The following POLD1 variants were observed in gnomAD, a reference collection of about 807,000 sequenced individuals.
The protein encoded by POLD1 is DNA polymerase delta 1, catalytic subunit, also known as DNA polymerase delta catalytic subunit.
In POLD1, 79 loss-of-function variants were observed where a neutral mutation model predicts 129.7. That is an observed-to-expected ratio of 0.61 (90% CI 0.51 to 0.73). The LOEUF is 0.73. POLD1 is among the 30% of genes least tolerant of loss of function. The pLI, the probability that POLD1 is intolerant of heterozygous loss-of-function variation, is 0.00. For missense variants in POLD1, 1,338 were observed against 1,595.8 expected (o/e 0.84, Z 2.75); for synonymous variants, 714 against 683.3 (o/e 1.04, Z -0.70).
At chr19:50,405,618 AC>A (rs2038847219) in intron 10 of POLD1, among the ~76,000 whole-genome samples, 2 of 151,746 alleles carry the variant, frequency 1.3e-5, no homozygotes, top group African/African-American at 4.8e-5. Flanking sequence ...AACTCTTAGG[AC>A]CCCCAGTGTA....
intron 1 of POLD1, among the ~76,000 whole-genome samples, chr19:50,386,570 G>A (rs796099728): frequency 5.3e-5 from 8 of 152,216 alleles, no homozygotes; most frequent in African/African-American, 1.2e-4. Context: ...GTGCAATAAC[G>A]AAAGTGGCAC....
intron 3 of POLD1, 56 bp downstream of exon 3, chr19:50,399,540 C>G: frequency 1.5e-6 from 2 of 1,341,876 alleles, no homozygotes; most frequent in Non-Finnish European, 2.1e-6. Flanking sequence ...GGGCAGAGGC[C>G]GGGCCAGGTC....
chr19:50,410,606 GAA>G (rs1251861282), intron 17 of POLD1, among the ~76,000 whole-genome samples: 1 of 150,818 alleles, frequency 6.6e-6, no homozygotes, highest in Admixed American at 6.6e-5. Flanking sequence ...CTCAGCAAAA[GAA>G]AGAGGTGCAC....
intron 8 of POLD1, 125 bp from the exon 9 acceptor site, chr19:50,402,928 C>A: frequency 7.4e-7 from 1 of 1,354,914 alleles, no homozygotes; most frequent in Non-Finnish European, 1.0e-6. Flanking sequence ...AGAGCAGGAG[C>A]CAGGGTGAGC....
rs768082423 is a variant in POLD1 at position 50,401,773 on chromosome 19, C to T, written c.317-5C>T. The T allele has an allele frequency of 3.1e-6, 5 of 1,611,578 alleles. No individual in the cohort carries two copies. Among genetic ancestry groups the T allele is most frequent in the Non-Finnish European group, 4.2e-6 (5 of 1,179,804 alleles). On this transcript the variant is annotated splice_polypyrimidine_tract_variant and splice_region_variant and intron_variant, in intron 3 of 26. Coordinates refer to ENST00000440232, the MANE Select transcript of POLD1 (RefSeq NM_002691.4). ...TGGCCGCTGTCTTACCCTGTGACCC[C>T]ACAGGCCCAGCGCAGCCTGTGCCTG...
rs374537225 is a variant in POLD1, at chr19:50,402,599, C to A, written c.841-13C>A. 1 of 1,571,326 alleles carries A rather than the reference C, an allele frequency of 6.4e-7. No homozygotes were observed. On this transcript the variant is annotated splice_polypyrimidine_tract_variant and intron_variant, in intron 7 of 26. Coordinates refer to ENST00000440232, the MANE Select transcript of POLD1 (RefSeq NM_002691.4). ...GTACCCTGCTGCCACCGCTGACCCA[C>A]CCATGCCCACAGGCTACGCAGTGCC...
At chr19:50,405,740 T>A (rs140692477) in intron 10 of POLD1, among the ~76,000 whole-genome samples, 2,415 of 152,062 alleles carry the variant, frequency 0.016, 61 homozygotes, top group African/African-American at 0.053. Context: ...GGCCTCAGTC[T>A]CCCCCAGGCT....
At chr19:50,394,771 T>C (rs1046509958) in intron 1 of POLD1, among the ~76,000 whole-genome samples, 2 of 152,134 alleles carry the variant, frequency 1.3e-5, no homozygotes, top group Non-Finnish European at 2.9e-5. Flanking sequence ...GCATCTAGGA[T>C]CTGCCCTAGG....
chr19:50,398,464 CG>C (rs1185914498), intron 1 of POLD1, among the ~76,000 whole-genome samples: 2 of 139,492 alleles, frequency 1.4e-5, no homozygotes, highest in African/African-American at 2.7e-5. Flanking sequence ...CCCAGCTACT[CG>C]GGAGGCTGAG....
chr19:50,403,748 T>C lies in POLD1; in HGVS notation c.1242+151T>C, dbSNP rs3219384. On this transcript the variant is annotated intron_variant, in intron 10 of 26. Coordinates refer to ENST00000440232, the MANE Select transcript of POLD1 (RefSeq NM_002691.4). ...GCCTGCAGGGGCAGCCTAGGCCTGGTCCTGCCCTGCTCCAAGTCGAAAAAG... is the reference window on the plus strand; with the variant it reads ...GCCTGCAGGGGCAGCCTAGGCCTGGCCCTGCCCTGCTCCAAGTCGAAAAAG... 0.031 allele frequency: 19,799 copies of C among 638,942 alleles called. 2,186 individuals carry two copies. Among genetic ancestry groups the C allele is most frequent in the African/African-American group, 0.27 (14,642 of 54,464 alleles). 39.6% of individuals were successfully genotyped at this position (638,942 alleles called of 1,614,324 possible).
chr19:50,385,824 C>T (rs753865019), intron 1 of POLD1, among the ~76,000 whole-genome samples: 103 of 152,160 alleles, frequency 6.8e-4, no homozygotes, highest in Non-Finnish European at 1.3e-3. Flanking sequence ...CCACCACGCA[C>T]GGCCGCTTCT....
chr19:50,414,747 TG>T, intron 19 of POLD1, 67 bp from the exon 20 acceptor site: 4 of 1,307,932 alleles, frequency 3.1e-6, no homozygotes, highest in Non-Finnish European at 3.1e-6. Context: ...CTTCAGTTTC[TG>T]GGGGGCGTCT....
Position 50,403,518 on chromosome 19 carries a change from T to C in POLD1, c.1163T>C (p.Met388Thr), listed in dbSNP as rs2038747019. ...LQAWSTFIRI[M>T]DPDVITGYNI... ...GCCTGGTCCACCTTCATCCGTATCA[T>C]GGACCCCGACGTGATCACCGGTTAC... The change falls in exon 10 of 27, where the codon ATG becomes ACG. Residue 388 changes from methionine (M) to threonine (T), a missense_variant. Around this residue, in one of 3 missense-constraint regions of POLD1, gnomAD observed 720 missense variants for 1,002.6 expected, o/e 0.72. Transcript: ENST00000440232. 1 of 1,614,046 alleles carries C rather than the reference T, an allele frequency of 6.2e-7. No individual in the cohort carries two copies. Among genetic ancestry groups the C allele is most frequent in the South Asian group, 1.1e-5 (1 of 91,078 alleles).
rs1023405690 is a variant in POLD1, at chr19:50,402,276, G to T, written c.661G>T (p.Ala221Ser). The T allele has an allele frequency of 3.7e-6, 6 of 1,606,744 alleles. No homozygotes were observed. The highest frequency in any genetic ancestry group is 1.7e-5 in the Admixed American group (1 of 59,384). Residue 221 changes from alanine to serine, a missense_variant, in exon 6 of 27, where the codon GCC becomes TCC. Physicochemically the swap from Ala to Ser is moderately conservative, Grantham distance 99 (BLOSUM62 1). This residue lies in a region of POLD1 where 332 missense variants were observed against 315.7 expected (regional missense o/e 1.05). Coordinates refer to ENST00000440232, the MANE Select transcript of POLD1 (RefSeq NM_002691.4). ...CACCGTGGCGCTGCCGCGCCTCGTG[G>T]CCCCGGCCCGCCGTCTCCTGGAACA... ...RITVALPRLVAPARRLLEQGI... is the reference protein window; with the variant it reads ...RITVALPRLVSPARRLLEQGI...
rs1469598088 is a variant in POLD1 at position 50,417,285 on chromosome 19, C to T, written c.3218+16C>T. 19 of 1,543,336 alleles carry T rather than the reference C, an allele frequency of 1.2e-5. No homozygotes were observed. Among genetic ancestry groups the T allele is most frequent in the East Asian group, 2.3e-5 (1 of 42,618 alleles). ...TCTGCACCAGGTGTGTGCCATGTCC[C>T]GACCCTGGGCTGCCCCGCCCCTTCC... On this transcript the variant is annotated intron_variant, in intron 26 of 26. Transcript: ENST00000440232.
chr19:50,416,736 G>C lies in POLD1; in HGVS notation c.3067+13G>C, dbSNP rs2122498994. The C allele has an allele frequency of 6.6e-7, 1 of 1,510,008 alleles. No homozygotes were observed. The highest frequency in any genetic ancestry group is 1.2e-5 in the South Asian group (1 of 83,278). 93.5% of individuals were successfully genotyped at this position (1,510,008 alleles called of 1,614,324 possible). A position where few individuals can be genotyped will look rare whatever the true frequency, so the allele number is the denominator to read the frequency against. On this transcript the variant is annotated intron_variant, in intron 24 of 26. Transcript: ENST00000440232. ...CTCAGCCACCAGGGTGAGCGGCCCT[G>C]GCCACTGGGCCCCCACTGGCCCTCA...
rs71182717 is a variant in POLD1 at position 50,404,574 on chromosome 19, C to CTTTT, written c.1242+996_1242+999dup. ...ACTGCACCCAACCCCTTTTCTCTTT[C>CTTTT]TTTTTTTTTTTTTTTTTTTTTTGAG... is the stretch of plus-strand genomic sequence containing the variant. On this transcript the variant is annotated intron_variant, in intron 10 of 26. Transcript: ENST00000440232. Among the ~76,000 whole-genome samples the CTTTT allele has an allele frequency of 5.5e-3, 429 of 77,854 alleles. 4 individuals are homozygous for CTTTT. The highest frequency in any genetic ancestry group is 6.5e-3 in the East Asian group (19 of 2,936). 51.1% of individuals were successfully genotyped at this position (77,854 alleles called of 152,430 possible).
chr19:50,413,882 G>T lies in POLD1; in HGVS notation c.2388+3G>T. ...CCATCCGGCTGGAGTTTGAGAAGGTGCGTGGCTGGGTCAGGGGCTCTGCAT... is the reference window on the plus strand; with the variant it reads ...CCATCCGGCTGGAGTTTGAGAAGGTTCGTGGCTGGGTCAGGGGCTCTGCAT... On this transcript the variant is annotated splice_donor_region_variant and intron_variant, in intron 19 of 26. Coordinates refer to ENST00000440232, the MANE Select transcript of POLD1 (RefSeq NM_002691.4). 1 of 1,594,664 alleles carries T rather than the reference G, an allele frequency of 6.3e-7. No individual in the cohort carries two copies. Among genetic ancestry groups the T allele is most frequent in the Non-Finnish European group, 8.5e-7 (1 of 1,169,770 alleles).
chr19:50,406,655 C>T lies in POLD1; in HGVS notation c.1494+138C>T, dbSNP rs571405681. 3.0e-4 allele frequency: 205 copies of T among 689,750 alleles called. No homozygotes were observed. The highest frequency in any genetic ancestry group is 1.5e-3 in the Admixed American group (68 of 43,926). 42.7% of individuals were successfully genotyped at this position (689,750 alleles called of 1,614,324 possible). A position where few individuals can be genotyped will look rare whatever the true frequency, so the allele number is the denominator to read the frequency against. On this transcript the variant is annotated intron_variant, in intron 12 of 26. Transcript: ENST00000440232. This position sits in a 1 kb window ranked among gnomAD's most constrained non-coding sequence, Gnocchi z 5.5. ...TGTTATGACCTGTGACCTTACCTGA[C>T]GCCCACTTTTTCCTGACCTCTGACC...
Sources: gnomAD v4.1 joint callset for allele counts (sites outside exome capture counted in the v4.1 genomes callset) on GRCh38, gnomAD v4.1.1 for gene constraint, gnomAD v4.1.1 regional missense constraint, Gnocchi (gnomAD v3.1) non-coding constraint, MANE v1.5 for transcripts, NCBI Gene and HGNC (gene_info 2026-07-23, HGNC 2026-07-21) for gene names.